Variants in CAPRIN1 observed in about 807,000 individuals in gnomAD.
CAPRIN1 encodes cell cycle associated protein 1, also known as caprin-1.
Under a neutral mutation model 100.9 loss-of-function variants are expected in CAPRIN1, and 29 were observed. The ratio of observed to expected loss-of-function variants is 0.29; its 90% CI spans 0.21 to 0.39. The LOEUF (loss-of-function observed/expected upper bound fraction) is 0.39, where lower values mean the gene tolerates loss of function less well. Ranked by LOEUF, CAPRIN1 falls within the 10% of genes least tolerant of loss-of-function variation. The pLI, the probability that CAPRIN1 is intolerant of heterozygous loss-of-function variation, is 1.00. For missense variants in CAPRIN1, 795 were observed against 876.7 expected, an observed-to-expected ratio of 0.91 and a Z score of 1.18; for synonymous variants, 338 against 307.5, an observed-to-expected ratio of 1.10 and a Z score of -1.04.
At chr11:34,053,240 C>T (rs1280321303) in intron 2 of CAPRIN1, 1 of 795,460 alleles carries the variant, frequency 1.3e-6, no homozygotes, top group Non-Finnish European at 1.5e-6. Flanking sequence ...TTTGCTACCC[C>T]CGCGCCCATG....
At chr11:34,055,092 A>C (rs1565080363) in intron 2 of CAPRIN1, among the ~76,000 whole-genome samples, 1 of 152,204 alleles carries the variant, frequency 6.6e-6, no homozygotes, top group Non-Finnish European at 1.5e-5. Flanking sequence ...CTGGTCATTA[A>C]ATGTGTATAG....
At chr11:34,071,849 A>C in intron 3 of CAPRIN1, 52 bp from the exon 4 acceptor site, 3 of 1,589,238 alleles carry the variant, frequency 1.9e-6, no homozygotes, top group Middle Eastern at 1.7e-4. Flanking sequence ...ACAAAAATTA[A>C]TTCTGTGGTT....
intron 2 of CAPRIN1, among the ~76,000 whole-genome samples, chr11:34,064,483 A>G (rs80075109): frequency 0.012 from 1,835 of 152,316 alleles, 27 homozygotes; most frequent in African/African-American, 0.042. Flanking sequence ...GTATTTGGAG[A>G]AGTGCAGATA....
intron 11 of CAPRIN1, among the ~76,000 whole-genome samples, chr11:34,087,441 C>G (rs1481226073): frequency 8.1e-6 from 1 of 123,398 alleles, no homozygotes; most frequent in Non-Finnish European, 1.7e-5. Context: ...TCACGCCATT[C>G]TCCTGCCTCA....
intron 2 of CAPRIN1, among the ~76,000 whole-genome samples, chr11:34,065,835 G>A (rs775919540): frequency 2.2e-4 from 34 of 152,140 alleles, no homozygotes; most frequent in Non-Finnish European, 4.7e-4. Context: ...ATCAGACTTA[G>A]GATCCTGCTT....
intron 13 of CAPRIN1, 57 bp from the exon 14 acceptor site, chr11:34,090,472 T>C: frequency 6.3e-7 from 1 of 1,577,336 alleles, no homozygotes. Flanking sequence ...TCTGTTCACT[T>C]TTTGTTTGGC....
chr11:34,080,906 T>C (rs1851016405), intron 7 of CAPRIN1, among the ~76,000 whole-genome samples: 1 of 152,220 alleles, frequency 6.6e-6, no homozygotes, highest in Non-Finnish European at 1.5e-5. Context: ...TGGAGATTAA[T>C]ATAAGGCAAT....
intron 6 of CAPRIN1, among the ~76,000 whole-genome samples, chr11:34,078,432 A>G (rs1850946838): frequency 6.6e-6 from 1 of 152,166 alleles, no homozygotes; most frequent in African/African-American, 2.4e-5. Context: ...CTGCACTTTT[A>G]AAAAATACCC....
intron 18 of CAPRIN1, 129 bp from the exon 19 acceptor site, chr11:34,099,174 A>G (rs1318757467): frequency 8.7e-6 from 13 of 1,494,024 alleles, no homozygotes; most frequent in African/African-American, 1.4e-5. Flanking sequence ...ACACTGAAGA[A>G]TTGACCTCTT....
intron 4 of CAPRIN1, 142 bp downstream of exon 4, chr11:34,072,129 A>C (rs1261568373): frequency 1.7e-6 from 1 of 596,966 alleles, no homozygotes; most frequent in Non-Finnish European, 3.0e-6. Context: ...CATTCTGTAA[A>C]GTAAAATGTA....
In CAPRIN1 at chr11:34,079,732, G is replaced by A. The variant is rs747381165; in HGVS notation, c.793G>A (p.Ala265Thr). Reference sequence around the variant, plus strand: ...GTGTGAGGAAGAAGAGGCAGCCTCAGCACCTGCAGTTGAAGACCAGGTACC... The same window carrying A: ...GTGTGAGGAAGAAGAGGCAGCCTCAACACCTGCAGTTGAAGACCAGGTACC... ...GLCEEEEAASAPAVEDQVPEA... is the reference protein window; with the variant it reads ...GLCEEEEAASTPAVEDQVPEA... The change falls in exon 7 of 19, where the codon GCA (alanine) becomes ACA (threonine). Residue 265 changes from alanine to threonine, a missense_variant. Ala to Thr is a moderately conservative substitution (Grantham distance 58). Around this residue, in one of 3 missense-constraint regions of CAPRIN1, gnomAD observed 648 missense variants for 697.9 expected, o/e 0.93. Transcript: ENST00000341394. 1 of 1,614,106 alleles carries A rather than the reference G, an allele frequency of 6.2e-7. No homozygotes were observed. The highest frequency in any genetic ancestry group is 8.5e-7 in the Non-Finnish European group (1 of 1,180,000).
intron 11 of CAPRIN1, among the ~76,000 whole-genome samples, chr11:34,088,153 C>G (rs780415306): frequency 6.6e-6 from 1 of 152,030 alleles, no homozygotes; most frequent in Non-Finnish European, 1.5e-5. Context: ...CAGGCACACA[C>G]CACACTACAC....
intron 2 of CAPRIN1, among the ~76,000 whole-genome samples, chr11:34,071,399 C>A (rs914058182): frequency 6.6e-6 from 1 of 151,834 alleles, no homozygotes; most frequent in Non-Finnish European, 1.5e-5. Flanking sequence ...CCTGTCTCTA[C>A]AAAAAATACA....
intron 11 of CAPRIN1, among the ~76,000 whole-genome samples, chr11:34,087,365 G>T (rs1171913871): frequency 9.3e-6 from 1 of 107,884 alleles, no homozygotes; most frequent in African/African-American, 3.8e-5. Context: ...ACGGAGTCTC[G>T]CTCTGTCGCC....
Position 34,097,286 on chromosome 11 carries a change from G to T in CAPRIN1, c.1991G>T (p.Gly664Val). Residue 664 changes from glycine (G) to valine (V), a missense_variant, in exon 17 of 19, where the codon GGC becomes GTC. Gly to Val is a moderately radical substitution (Grantham distance 109). Coordinates refer to ENST00000341394, the MANE Select transcript of CAPRIN1 (RefSeq NM_005898.5). ...SQFSAPRDYSGYQRDGYQQNF... is the reference protein window; with the variant it reads ...SQFSAPRDYSVYQRDGYQQNF... The stretch of plus-strand genomic sequence containing the variant: ...TTCAGTGCTCCCCGGGATTACTCTG[G>T]CTATCAACGGGTAGGTAAAGTAGTT... The T allele has an allele frequency of 6.2e-7, 1 of 1,608,732 alleles. No individual in the cohort carries two copies. Among genetic ancestry groups the T allele is most frequent in the Non-Finnish European group, 8.5e-7 (1 of 1,175,098 alleles).
In CAPRIN1 at chr11:34,101,116, A is replaced by G. The variant is rs1251997230; in HGVS notation, c.*1749A>G. ...GGGTGGTGGGAAATGGGGGATCTTCAATGTTTATTTTAAAATAAAATAAAA... is the reference window on the plus strand; with the variant it reads ...GGGTGGTGGGAAATGGGGGATCTTCGATGTTTATTTTAAAATAAAATAAAA... On this transcript the variant is annotated 3_prime_UTR_variant, in exon 19 of 19. Coordinates refer to ENST00000341394, the MANE Select transcript of CAPRIN1 (RefSeq NM_005898.5). 1.3e-5 allele frequency: 2 copies of G among 152,598 alleles called. No homozygotes were observed. Among genetic ancestry groups the G allele is most frequent in the Non-Finnish European group, 2.9e-5 (2 of 68,016 alleles). 9.5% of individuals were successfully genotyped at this position (152,598 alleles called of 1,614,324 possible).
At chr11:34,079,904 A>AGTTTT (rs1850979992) in intron 7 of CAPRIN1, 139 bp downstream of exon 7, 1 of 496,410 alleles carries the variant, frequency 2.0e-6, no homozygotes, top group African/African-American at 2.3e-5. Context: ...AGCATGACAA[A>AGTTTT]GTTTTTTTTT....
chr11:34,088,948 A>G (rs1851204426), intron 11 of CAPRIN1, among the ~76,000 whole-genome samples: 1 of 152,054 alleles, frequency 6.6e-6, no homozygotes, highest in South Asian at 2.1e-4. Context: ...ATTGCTAAAA[A>G]GTTTATTTAT....
rs751562132 is a variant in CAPRIN1 at position 34,097,659 on chromosome 11, A to T, written c.2002-39A>T. ...AAGAATAGATGGGTAAGCATTTTTTAAAAAGTACCTTTTCAATACTAACTA... is the reference window on the plus strand; with the variant it reads ...AAGAATAGATGGGTAAGCATTTTTTTAAAAGTACCTTTTCAATACTAACTA... On this transcript the variant is annotated intron_variant, in intron 17 of 18. Transcript: ENST00000341394. The T allele has an allele frequency of 1.3e-5, 21 of 1,612,100 alleles. No individual in the cohort carries two copies. In the African/African-American group the frequency reaches 2.0e-4, roughly 15 times the overall value.
Sources: gnomAD v4.1 joint callset for allele counts (sites outside exome capture counted in the v4.1 genomes callset) on GRCh38, gnomAD v4.1.1 for gene constraint, gnomAD v4.1.1 regional missense constraint, MANE v1.5 for transcripts, NCBI Gene and HGNC (gene_info 2026-07-23, HGNC 2026-07-21) for gene names.